Variants in CSGALNACT1 observed in about 807,000 individuals in gnomAD.
CSGALNACT1 encodes beta4GalNAcT-1.
CSGALNACT1 carries 52 observed loss-of-function variants against 51.0 expected under a neutral mutation model. The ratio of observed to expected loss-of-function variants is 1.02; its 90% CI spans 0.82 to 1.29. CSGALNACT1 has a LOEUF of 1.29. CSGALNACT1 is among the 50% of genes most tolerant of loss of function. The pLI, the probability that CSGALNACT1 is intolerant of heterozygous loss-of-function variation, is 0.00. For synonymous variants in CSGALNACT1, 341 were observed against 254.4 expected (o/e 1.34, Z -3.24); for missense variants, 935 against 679.2 (o/e 1.38, Z -4.19).
chr8:19,701,077 G>A (rs113007929), intron 1 of CSGALNACT1, among the ~76,000 whole-genome samples: 3 of 150,724 alleles, frequency 2.0e-5, no homozygotes, highest in African/African-American at 7.3e-5. Flanking sequence ...AGACAGAAAT[G>A]ATGGCTGGAG....
At chr8:19,445,851 A>C (rs1304187196) in intron 5 of CSGALNACT1, among the ~76,000 whole-genome samples, 6 of 152,138 alleles carry the variant, frequency 3.9e-5, no homozygotes, top group Admixed American at 3.3e-4. Context: ...GAATGTGTCC[A>C]TATGTTTTTG....
rs552966457 is a variant in CSGALNACT1 at position 19,476,040 on chromosome 8, G to A, written c.635-17398C>T. On this transcript the variant is annotated intron_variant, in intron 4 of 9. Coordinates refer to ENST00000454498, the Ensembl canonical transcript of CSGALNACT1. ...TAATCTTAGGATTTTGACAGCCACC[G>A]CCCCTACAAAATTCCTACAGTAACT... 1.1e-3 allele frequency among the ~76,000 whole-genome samples: 173 copies of A among 152,058 alleles called. 2 individuals are homozygous for A. Among genetic ancestry groups the A allele is most frequent in the Non-Finnish European group, 1.2e-3 (82 of 68,012 alleles).
chr8:19,404,790 A>G (rs1252185645), exon 10 of CSGALNACT1: 16 of 454,432 alleles, frequency 3.5e-5, no homozygotes, highest in Non-Finnish European at 5.3e-5. Context: ...GTACATCACG[A>G]TATCACCAGT....
intron 4 of CSGALNACT1, among the ~76,000 whole-genome samples, chr8:19,474,446 A>G (rs747284787): frequency 2.0e-5 from 3 of 152,212 alleles, no homozygotes; most frequent in Non-Finnish European, 4.4e-5. Flanking sequence ...AATCGAAATA[A>G]CATATCATTT....
At chr8:19,573,775 T>C (rs1266799160) in intron 3 of CSGALNACT1, among the ~76,000 whole-genome samples, 1 of 152,160 alleles carries the variant, frequency 6.6e-6, no homozygotes, top group Non-Finnish European at 1.5e-5. Flanking sequence ...ATAGGCTAGT[T>C]TCAGGAAGGG....
At chr8:19,449,176 T>C (rs1179032924) in intron 5 of CSGALNACT1, among the ~76,000 whole-genome samples, 2 of 152,212 alleles carry the variant, frequency 1.3e-5, no homozygotes, top group Non-Finnish European at 2.9e-5. Flanking sequence ...GGTCATTTTT[T>C]ACTCTTGGAT....
chr8:19,639,951 T>G (rs1255842930), intron 1 of CSGALNACT1, among the ~76,000 whole-genome samples: 1 of 150,994 alleles, frequency 6.6e-6, no homozygotes, highest in African/African-American at 2.5e-5. Context: ...GTACAATCAC[T>G]GTCCATTGCA....
intron 1 of CSGALNACT1, among the ~76,000 whole-genome samples, chr8:19,742,550 C>A (rs949334304): frequency 6.6e-6 from 1 of 152,218 alleles, no homozygotes. Flanking sequence ...GCATCCCCCA[C>A]GACAGCTGTT....
At chr8:19,423,514 G>T (rs2058282703) in intron 6 of CSGALNACT1, among the ~76,000 whole-genome samples, 1 of 152,160 alleles carries the variant, frequency 6.6e-6, no homozygotes, top group African/African-American at 2.4e-5. Context: ...TTGAGCTGTT[G>T]CTAATAAATG....
intron 3 of CSGALNACT1, among the ~76,000 whole-genome samples, chr8:19,542,950 G>C (rs919768035): frequency 2.6e-5 from 4 of 152,038 alleles, no homozygotes; most frequent in Non-Finnish European, 5.9e-5. Flanking sequence ...ATATCAGAGA[G>C]GTATGAGCTA....
intron 1 of CSGALNACT1, among the ~76,000 whole-genome samples, chr8:19,636,164 G>A (rs915775591): frequency 1.1e-4 from 17 of 152,162 alleles, no homozygotes; most frequent in Admixed American, 7.2e-4. Flanking sequence ...GTAAACAGGC[G>A]AGTACAATAC....
At chr8:19,494,213 G>A (rs2075011787) in intron 4 of CSGALNACT1, among the ~76,000 whole-genome samples, 1 of 151,980 alleles carries the variant, frequency 6.6e-6, no homozygotes, top group African/African-American at 2.4e-5. Context: ...GCACTAACTG[G>A]TTACCTATGG....
intron 1 of CSGALNACT1, among the ~76,000 whole-genome samples, chr8:19,668,462 TAAG>T (rs767206153): frequency 3.3e-5 from 5 of 152,186 alleles, no homozygotes; most frequent in Non-Finnish European, 4.4e-5. Context: ...TTAAGTAACA[TAAG>T]AAAAAAGTAT....
At position 19,512,981 on chromosome 8, in the gene CSGALNACT1, T is replaced by A. The variant is rs148350876; in HGVS notation, c.-296-6851A>T. On this transcript the variant is annotated intron_variant, in intron 3 of 9. Coordinates refer to ENST00000454498, the Ensembl canonical transcript of CSGALNACT1. ...CACAGCAGCTCTGCTTCCCTTCCAG[T>A]CATTGTCTTTGCAGCCAACGGCAGC... 1.6e-3 allele frequency among the ~76,000 whole-genome samples: 249 copies of A among 152,270 alleles called. 1 individual carries two copies. The highest frequency in any genetic ancestry group is 5.8e-3 in the African/African-American group (240 of 41,554).
At chr8:19,653,657 G>A (rs2058021600) in intron 1 of CSGALNACT1, among the ~76,000 whole-genome samples, 1 of 152,090 alleles carries the variant, frequency 6.6e-6, no homozygotes, top group South Asian at 2.1e-4. Flanking sequence ...TTGTGGGTGT[G>A]GTGACACACA....
chr8:19,507,548 A>AAAAAAAAAAAAAAAAAAAT (rs2077592999), intron 3 of CSGALNACT1, among the ~76,000 whole-genome samples: 1 of 151,640 alleles, frequency 6.6e-6, no homozygotes, highest in African/African-American at 2.4e-5. Flanking sequence ...AAAAAAAAAA[A>AAAAAAAAAAAAAAAAAAAT]AAAAGAATGA....
chr8:19,440,121 C>A (rs1249898246), intron 5 of CSGALNACT1, among the ~76,000 whole-genome samples, 190 bp from the exon 5 acceptor site: 1 of 152,122 alleles, frequency 6.6e-6, no homozygotes, highest in Non-Finnish European at 1.5e-5. Flanking sequence ...TTCATCTTAT[C>A]GGGACAACAA....
chr8:19,561,254 A>G (rs957060008), intron 3 of CSGALNACT1, among the ~76,000 whole-genome samples: 2 of 152,100 alleles, frequency 1.3e-5, no homozygotes, highest in Non-Finnish European at 2.9e-5. Context: ...TCTACTTTCA[A>G]ATTATTCATT....
intron 3 of CSGALNACT1, among the ~76,000 whole-genome samples, chr8:19,509,941 G>A (rs7005075): frequency 6.6e-6 from 1 of 151,814 alleles, no homozygotes; most frequent in Non-Finnish European, 1.5e-5. Context: ...TTTAGACCAG[G>A]TCAATCTCTT....
Sources: gnomAD v4.1 joint callset for allele counts (sites outside exome capture counted in the v4.1 genomes callset) on GRCh38, gnomAD v4.1.1 for gene constraint, MANE v1.5 for transcripts, NCBI Gene and HGNC (gene_info 2026-07-23, HGNC 2026-07-21) for gene names.